The following RBFOX1 variants were observed in gnomAD, a reference collection of about 807,000 sequenced individuals.
The protein encoded by RBFOX1 is RNA binding fox-1 homolog 1.
In RBFOX1, 8 loss-of-function variants were observed where a neutral mutation model predicts 57.7. That is an observed-to-expected ratio of 0.14 (90% confidence interval 0.08 to 0.25). RBFOX1 has a LOEUF of 0.25. Ranked by LOEUF, RBFOX1 falls within the 10% of genes least tolerant of loss-of-function variation. The pLI is 1.00. For synonymous variants in RBFOX1, 326 were observed against 222.4 expected (o/e 1.47, Z -4.15); for missense variants, 611 against 548.5 (o/e 1.11, Z -1.14).
intron 1 of RBFOX1, among the ~76,000 whole-genome samples, chr16:6,127,610 A>C (rs541585291): frequency 6.6e-6 from 1 of 152,308 alleles, no homozygotes; most frequent in African/African-American, 2.4e-5. Context: ...TTTTCAAATA[A>C]TTCTGTTCTC....
chr16:6,809,185 T>C (rs2087754123), intron 3 of RBFOX1, among the ~76,000 whole-genome samples: 2 of 152,226 alleles, frequency 1.3e-5, no homozygotes, highest in South Asian at 4.1e-4. Flanking sequence ...TTTTTCTGTC[T>C]ATGAATTTTC....
At chr16:6,216,197 G>A (rs2097334876) in intron 1 of RBFOX1, among the ~76,000 whole-genome samples, 1 of 151,962 alleles carries the variant, frequency 6.6e-6, no homozygotes, top group South Asian at 2.1e-4. Flanking sequence ...TTAATACCTG[G>A]GTGCTGAAAT....
chr16:7,410,344 A>G (rs1014139910), intron 4 of RBFOX1, among the ~76,000 whole-genome samples: 6 of 152,190 alleles, frequency 3.9e-5, no homozygotes, highest in African/African-American at 1.4e-4. Context: ...AATTTGCCCA[A>G]TGACACTAAA....
rs138746420 is a variant in RBFOX1, at chr16:6,542,920, T to G, written c.-63-111683T>G. 4.1e-3 allele frequency among the ~76,000 whole-genome samples: 617 copies of G among 152,232 alleles called. 2 individuals are homozygous for G. The highest frequency in any genetic ancestry group is 0.014 in the African/African-American group (593 of 41,554). ...TACATTAGTGGGGACCACACCGTGC[T>G]GAGTCACAGTTAGAAGGGGCGTCTG... On this transcript the variant is annotated intron_variant, in intron 2 of 15. Transcript: ENST00000550418.
intron 4 of RBFOX1, among the ~76,000 whole-genome samples, chr16:5,899,781 G>A (rs1378570471): frequency 3.9e-5 from 6 of 152,150 alleles, no homozygotes; most frequent in Admixed American, 3.3e-4. Flanking sequence ...TATGGCGACA[G>A]TTCCTTTGAT....
intron 2 of RBFOX1, among the ~76,000 whole-genome samples, chr16:6,343,024 A>C (rs546835598): frequency 3.5e-4 from 54 of 152,280 alleles, no homozygotes; most frequent in African/African-American, 1.3e-3. Context: ...TCCATCTGAT[A>C]GTCATTTCTG....
chr16:5,807,185 A>T (rs898773503), intron 3 of RBFOX1, among the ~76,000 whole-genome samples: 1 of 152,324 alleles, frequency 6.6e-6, no homozygotes, highest in South Asian at 2.1e-4. Context: ...TTTTTCCACC[A>T]TGATGGAACC....
chr16:5,748,621 T>C (rs528958153), intron 3 of RBFOX1, among the ~76,000 whole-genome samples: 3 of 152,334 alleles, frequency 2.0e-5, no homozygotes, highest in Admixed American at 6.5e-5. Context: ...TTTACCATTA[T>C]ATAATGGCCT....
chr16:6,662,609 T>C (rs1442127330), intron 3 of RBFOX1, among the ~76,000 whole-genome samples: 1 of 151,934 alleles, frequency 6.6e-6, no homozygotes, highest in Non-Finnish European at 1.5e-5. Flanking sequence ...CAACTATTTC[T>C]CAGACCTTGA....
At chr16:6,782,605 T>C (rs1297229899) in intron 3 of RBFOX1, among the ~76,000 whole-genome samples, 1 of 152,150 alleles carries the variant, frequency 6.6e-6, no homozygotes, top group East Asian at 1.9e-4. Context: ...CTGCTATGAT[T>C]TGGATTTTTC....
chr16:5,631,572 G>T (rs1199719686), intron 3 of RBFOX1, among the ~76,000 whole-genome samples: 1 of 150,888 alleles, frequency 6.6e-6, no homozygotes, highest in Non-Finnish European at 1.5e-5. Flanking sequence ...AAAAAAAAAA[G>T]TGTCTCTTCT....
At chr16:7,574,142 C>T (rs896322475) in intron 5 of RBFOX1, among the ~76,000 whole-genome samples, 2 of 152,088 alleles carry the variant, frequency 1.3e-5, no homozygotes, top group Non-Finnish European at 2.9e-5. Context: ...GCATGTCTGT[C>T]CTTGAGTGTT....
At chr16:7,290,080 C>G (rs906501222) in intron 4 of RBFOX1, among the ~76,000 whole-genome samples, 1 of 152,114 alleles carries the variant, frequency 6.6e-6, no homozygotes, top group Non-Finnish European at 1.5e-5. Context: ...TCTCAGATAC[C>G]TACGTACATT....
At chr16:6,687,600 G>C (rs1212506588) in intron 3 of RBFOX1, among the ~76,000 whole-genome samples, 2 of 152,136 alleles carry the variant, frequency 1.3e-5, no homozygotes, top group Admixed American at 6.6e-5. Context: ...TTAACTTCAG[G>C]TCTAATAGTT....
chr16:5,850,584 C>G (rs1160570570), intron 3 of RBFOX1, among the ~76,000 whole-genome samples: 1 of 152,184 alleles, frequency 6.6e-6, no homozygotes, highest in Non-Finnish European at 1.5e-5. Flanking sequence ...GACACCTCTG[C>G]ATGTTTACTC....
intron 3 of RBFOX1, among the ~76,000 whole-genome samples, chr16:6,895,466 A>ATATG (rs1475422049): frequency 8.6e-6 from 1 of 116,224 alleles, no homozygotes; most frequent in African/African-American, 3.2e-5. Flanking sequence ...ATATATATAT[A>ATATG]TATATATATA....
intron 2 of RBFOX1, among the ~76,000 whole-genome samples, chr16:6,398,572 T>C (rs994548744): frequency 3.3e-5 from 5 of 152,158 alleles, no homozygotes; most frequent in Non-Finnish European, 7.4e-5. Flanking sequence ...ACAGGTCCCA[T>C]GTGAGTCCAA....
intron 3 of RBFOX1, among the ~76,000 whole-genome samples, chr16:6,755,126 C>G (rs555616977): frequency 6.6e-6 from 1 of 152,076 alleles, no homozygotes; most frequent in African/African-American, 2.4e-5. Flanking sequence ...TGGGTTGGTT[C>G]CAAGTCTTTG....
intron 3 of RBFOX1, among the ~76,000 whole-genome samples, chr16:6,739,538 T>C (rs1202345126): frequency 1.5e-5 from 2 of 137,420 alleles, no homozygotes; most frequent in African/African-American, 2.7e-5. Flanking sequence ...ATTCTACCCA[T>C]ATTTTTAAAA....
Sources: gnomAD v4.1 joint callset for allele counts (sites outside exome capture counted in the v4.1 genomes callset) on GRCh38, gnomAD v4.1.1 for gene constraint, MANE v1.5 for transcripts, NCBI Gene and HGNC (gene_info 2026-07-23, HGNC 2026-07-21) for gene names.